Variants in DYRK1A observed in about 807,000 individuals in gnomAD.
The protein encoded by DYRK1A is dual specificity tyrosine-phosphorylation-regulated kinase 1A.
In DYRK1A, 9 loss-of-function variants were observed where a neutral mutation model predicts 79.7. That is an observed-to-expected ratio of 0.11 (90% CI 0.07 to 0.20). The LOEUF is 0.20. Among genes scored for constraint, DYRK1A ranks in the 10% least tolerant of loss-of-function variants. The probability of loss-of-function intolerance (pLI) is 1.00; values close to 1 mark genes in which losing one functional copy is unlikely to be tolerated. For synonymous variants in DYRK1A, 349 were observed against 329.7 expected, an observed-to-expected ratio of 1.06 and a Z score of -0.63; for missense variants, 622 against 956.0, an observed-to-expected ratio of 0.65 and a Z score of 4.61.
chr21:37,512,030 A>T lies in DYRK1A; in HGVS notation c.1764A>T (p.Ala588=). The change falls in exon 12 of 12, where the codon GCA becomes GCT. Residue 588 remains alanine, a synonymous_variant. Coordinates refer to ENST00000647188, the MANE Select transcript of DYRK1A (RefSeq NM_001347721.2). ...TTCATGTAGCCCCTCAACAGAATGCATTGCATCATCACCATGGTAACAGTT... is the reference window on the plus strand; with the variant it reads ...TTCATGTAGCCCCTCAACAGAATGCTTTGCATCATCACCATGGTAACAGTT... ...TTFHVAPQQN[A]LHHHHGNSSH... is the part of the protein sequence containing the mutation. 6.2e-7 allele frequency: 1 copy of T among 1,614,090 alleles called. No homozygotes were observed. The highest frequency in any genetic ancestry group is 2.2e-5 in the East Asian group (1 of 44,878).
At chr21:37,487,891 C>T (rs532431936) in intron 6 of DYRK1A, 2 of 152,170 alleles carry the variant, frequency 1.3e-5, no homozygotes, top group Admixed American at 6.5e-5. Flanking sequence ...TCAGTTATAA[C>T]TTACATGAGG....
intron 1 of DYRK1A, among the ~76,000 whole-genome samples, chr21:37,409,199 T>A (rs930255219): frequency 1.3e-5 from 2 of 152,068 alleles, no homozygotes; most frequent in African/African-American, 4.8e-5. Context: ...GTGGAGGTAA[T>A]AGTAATTTAA....
chr21:37,489,466 C>A (rs1014326606), intron 6 of DYRK1A, among the ~76,000 whole-genome samples: 1 of 152,128 alleles, frequency 6.6e-6, no homozygotes, highest in African/African-American at 2.4e-5. Flanking sequence ...TCCCCACTCA[C>A]AAGCCTCCTT....
intron 1 of DYRK1A, among the ~76,000 whole-genome samples, chr21:37,398,204 C>T (rs1053887723): frequency 2.6e-5 from 4 of 151,162 alleles, no homozygotes; most frequent in Non-Finnish European, 4.4e-5. Context: ...GTTAGCCTGG[C>T]ACAGTGGCAG....
In DYRK1A at chr21:37,367,485, G is replaced by A. The variant is rs928355357; in HGVS notation, c.-220G>A. The A allele has an allele frequency of 2.7e-5, 4 of 148,614 alleles. No individual in the cohort carries two copies. The highest frequency in any genetic ancestry group is 6.7e-5 in the Admixed American group (1 of 14,986). The allele number at this position is 148,614 out of a possible 1,614,324, so 9.2% of individuals were successfully genotyped here. On this transcript the variant is annotated 5_prime_UTR_variant, in exon 1 of 12. Transcript: ENST00000647188. ...CCGAGGAGAGACTGAGCAGGCTGCGGCGCGGCCAGGAGCCGGAGCGCCGGG... is the reference window on the plus strand; with the variant it reads ...CCGAGGAGAGACTGAGCAGGCTGCGACGCGGCCAGGAGCCGGAGCGCCGGG...
At position 37,420,789 on chromosome 21, in the gene DYRK1A, G is replaced by T. The variant is rs571860985; in HGVS notation, c.10+405G>T. Among the ~76,000 whole-genome samples, 9 of 152,150 alleles carry T rather than the reference G, an allele frequency of 5.9e-5. No homozygotes were observed. In the East Asian group the frequency reaches 1.4e-3, roughly 23 times the overall value. Reference sequence around the variant, plus strand: ...TCATCAAAAAGACTGACAAGTTAAGGATATTATACCCATACATACGGTTTC... The same window carrying T: ...TCATCAAAAAGACTGACAAGTTAAGTATATTATACCCATACATACGGTTTC... On this transcript the variant is annotated intron_variant, in intron 2 of 11. Transcript: ENST00000647188.
chr21:37,374,317 A>C (rs1370757484), intron 1 of DYRK1A, among the ~76,000 whole-genome samples: 1 of 150,660 alleles, frequency 6.6e-6, no homozygotes, highest in East Asian at 1.9e-4. Flanking sequence ...GGATGATAGC[A>C]GAGATATTTA....
At chr21:37,460,242 CTT>C (rs2051794324) in intron 2 of DYRK1A, among the ~76,000 whole-genome samples, 12 of 151,970 alleles carry the variant, frequency 7.9e-5, no homozygotes, top group Admixed American at 6.6e-4. Flanking sequence ...TGTTGAGAAT[CTT>C]TTGTTTCCTG....
At chr21:37,483,662 T>C (rs2052741222) in intron 5 of DYRK1A, among the ~76,000 whole-genome samples, 1 of 152,110 alleles carries the variant, frequency 6.6e-6, no homozygotes, top group South Asian at 2.1e-4. Flanking sequence ...CATGGTTCAC[T>C]GCCTCAACCT....
rs548356116 is a variant in DYRK1A at position 37,430,343 on chromosome 21, T to C, written c.10+9959T>C. On this transcript the variant is annotated intron_variant, in intron 2 of 11. Coordinates refer to ENST00000647188, the MANE Select transcript of DYRK1A (RefSeq NM_001347721.2). ...ATTAAGACTCATGGAGAGGGAGATG[T>C]GATACTGTGTCACTGAGGTCGTTCC... 7.3e-5 allele frequency: 72 copies of C among 984,308 alleles called. No homozygotes were observed. In the South Asian group the frequency reaches 2.5e-3, roughly 35 times the overall value. The allele number at this position is 984,308 out of a possible 1,614,324, so 61.0% of individuals were successfully genotyped here.
chr21:37,414,351 T>C (rs1194970959), intron 1 of DYRK1A, among the ~76,000 whole-genome samples: 1 of 152,192 alleles, frequency 6.6e-6, no homozygotes, highest in Non-Finnish European at 1.5e-5. Flanking sequence ...TCTCTACCAT[T>C]AGTCGTGTGT....
intron 3 of DYRK1A, among the ~76,000 whole-genome samples, chr21:37,474,993 G>A (rs1328394590): frequency 6.6e-6 from 1 of 152,184 alleles, no homozygotes; most frequent in Non-Finnish European, 1.5e-5. Context: ...TAAATAAAAT[G>A]AAATAGGTAT....
At chr21:37,376,383 T>C (rs9636920) in intron 1 of DYRK1A, among the ~76,000 whole-genome samples, 84,545 of 151,918 alleles carry the variant, frequency 0.56, 24,278 homozygotes, top group African/African-American at 0.7. Flanking sequence ...GTAGTGAGTG[T>C]CTGTAGTCCC....
In DYRK1A at chr21:37,525,846, G is replaced by A. The variant is rs1163106410; in HGVS notation, c.*13315G>A. 6.6e-6 allele frequency: 1 copy of A among 152,184 alleles called. No homozygotes were observed. The highest frequency in any genetic ancestry group is 1.5e-5 in the Non-Finnish European group (1 of 68,038). The allele number at this position is 152,184 out of a possible 1,614,324, so 9.4% of individuals were successfully genotyped here. A position where few individuals can be genotyped will look rare whatever the true frequency, so the allele number is the denominator to read the frequency against. Reference sequence around the variant, plus strand: ...TTAGTAGTGGTAAAGTTTCATTTAAGTTTTGAGCTCAGGACAAAGATTGAA... The same window carrying A: ...TTAGTAGTGGTAAAGTTTCATTTAAATTTTGAGCTCAGGACAAAGATTGAA... On this transcript the variant is annotated 3_prime_UTR_variant, in exon 12 of 12. Coordinates refer to ENST00000647188, the MANE Select transcript of DYRK1A (RefSeq NM_001347721.2).
chr21:37,375,982 C>T (rs1202025509), intron 1 of DYRK1A, among the ~76,000 whole-genome samples: 1 of 151,920 alleles, frequency 6.6e-6, no homozygotes, highest in Non-Finnish European at 1.5e-5. Context: ...CAATATAAAC[C>T]TGAAACCGCA....
intron 1 of DYRK1A, among the ~76,000 whole-genome samples, chr21:37,406,739 CTA>C (rs376829303): frequency 2.8e-4 from 17 of 61,012 alleles, no homozygotes; most frequent in Admixed American, 1.8e-3. Context: ...ATGTATATCT[CTA>C]TATATCTCTA....
rs571859735 is a variant in DYRK1A, at chr21:37,454,085, C to CTTTTTTTTTTTTTTTT, written c.11-18589_11-18574dup. On this transcript the variant is annotated intron_variant, in intron 2 of 11. Coordinates refer to ENST00000647188, the MANE Select transcript of DYRK1A (RefSeq NM_001347721.2). ...CTTTCATATTATGAGATGTAGTCTC[C>CTTTTTTTTTTTTTTTT]TTTTTTTTTTTTTTTTTTTTTTTTT... Among the ~76,000 whole-genome samples the CTTTTTTTTTTTTTTTT allele has an allele frequency of 3.9e-4, 23 of 59,624 alleles. 5 individuals are homozygous for CTTTTTTTTTTTTTTTT. The highest frequency in any genetic ancestry group is 5.2e-4 in the Admixed American group (2 of 3,854). 39.1% of individuals were successfully genotyped at this position (59,624 alleles called of 152,430 possible). A position where few individuals can be genotyped will look rare whatever the true frequency, so the allele number is the denominator to read the frequency against.
intron 2 of DYRK1A, among the ~76,000 whole-genome samples, chr21:37,433,737 T>TC (rs2050843247): frequency 6.6e-6 from 1 of 152,316 alleles, no homozygotes; most frequent in East Asian, 1.9e-4. Flanking sequence ...CCTGAGCTAA[T>TC]CTCATGAAAG....
intron 1 of DYRK1A, among the ~76,000 whole-genome samples, chr21:37,373,275 C>T (rs2049469960): frequency 1.3e-5 from 2 of 152,098 alleles, no homozygotes; most frequent in African/African-American, 4.8e-5. Context: ...TGTAAAATGC[C>T]ATATAAATAT....
Sources: allele counts gnomAD v4.1 joint callset (sites outside exome capture counted in the v4.1 genomes callset), GRCh38; gene constraint gnomAD v4.1.1; transcripts MANE v1.5; gene names NCBI Gene and HGNC (gene_info 2026-07-23, HGNC 2026-07-21).